Variants in SLC24A2 observed in about 807,000 individuals in gnomAD.
The protein encoded by SLC24A2 is solute carrier family 24 member 2.
Under a neutral mutation model 62.0 loss-of-function variants are expected in SLC24A2, and 36 were observed. That is an observed-to-expected ratio of 0.58 (90% CI 0.44 to 0.77). The LOEUF is 0.77. SLC24A2 is among the 30% of genes least tolerant of loss of function. SLC24A2 has a pLI of 0.00. For synonymous variants in SLC24A2, 358 were observed against 294.0 expected, an observed-to-expected ratio of 1.22 and a Z score of -2.23; for missense variants, 846 against 817.9, an observed-to-expected ratio of 1.03 and a Z score of -0.42.
chr9:19,831,314 T>A, the SLC24A2 span, among the ~76,000 whole-genome samples: 1 of 152,238 alleles, frequency 6.6e-6, no homozygotes, highest in Non-Finnish European at 1.5e-5. Context: ...CAAGACCTTC[T>A]TGTGTTTTTC....
At chr9:20,127,895 T>C in the SLC24A2 span, among the ~76,000 whole-genome samples, 3 of 152,262 alleles carry the variant, frequency 2.0e-5, no homozygotes, top group South Asian at 2.1e-4. Context: ...CAATTTTTTT[T>C]CCCAATCAAA....
chr9:19,545,729 C>T (rs1834532286), intron 8 of SLC24A2, among the ~76,000 whole-genome samples: 1 of 151,916 alleles, frequency 6.6e-6, no homozygotes, highest in Non-Finnish European at 1.5e-5. Context: ...AGCTCCACCT[C>T]CTGGGTTCAT....
At chr9:20,003,322 C>T in the SLC24A2 span, among the ~76,000 whole-genome samples, 1 of 152,172 alleles carries the variant, frequency 6.6e-6, no homozygotes, top group Admixed American at 6.5e-5. Flanking sequence ...AGCCAAAATC[C>T]ACTCTTGTTT....
At chr9:19,802,651 C>A in the SLC24A2 span, among the ~76,000 whole-genome samples, 1 of 151,788 alleles carries the variant, frequency 6.6e-6, no homozygotes, top group African/African-American at 2.4e-5. Context: ...CAAGAATGGG[C>A]AAAATAATAA....
the SLC24A2 span, among the ~76,000 whole-genome samples, chr9:20,246,905 C>T: frequency 6.6e-6 from 1 of 152,216 alleles, no homozygotes. Flanking sequence ...AATGCAACTA[C>T]TGAGTGAGAT....
At chr9:19,887,166 G>A in the SLC24A2 span, among the ~76,000 whole-genome samples, 61,905 of 151,946 alleles carry the variant, frequency 0.41, 13,198 homozygotes, top group East Asian at 0.84. Context: ...TATCTATATA[G>A]CAAACCTGCA....
the SLC24A2 span, among the ~76,000 whole-genome samples, chr9:19,824,235 C>A: frequency 6.6e-6 from 1 of 152,080 alleles, no homozygotes; most frequent in Non-Finnish European, 1.5e-5. Context: ...AGTGAACAGG[C>A]AACCTACAGA....
At chr9:19,765,834 T>C (rs1822497891) in intron 2 of SLC24A2, among the ~76,000 whole-genome samples, 1 of 152,232 alleles carries the variant, frequency 6.6e-6, no homozygotes, top group African/African-American at 2.4e-5. Flanking sequence ...TGAATTTGAA[T>C]GTTGGCCTGC....
At chr9:20,234,087 A>T in the SLC24A2 span, among the ~76,000 whole-genome samples, 1 of 152,204 alleles carries the variant, frequency 6.6e-6, no homozygotes. Context: ...AGTTTCTGCC[A>T]AGAGATCAGC....
the SLC24A2 span, among the ~76,000 whole-genome samples, chr9:19,903,695 GAA>G: frequency 6.6e-6 from 1 of 152,110 alleles, no homozygotes; most frequent in South Asian, 2.1e-4. Flanking sequence ...AGAGCCATGA[GAA>G]AATGATGGGC....
chr9:20,033,247 A>G, the SLC24A2 span, among the ~76,000 whole-genome samples: 1 of 152,184 alleles, frequency 6.6e-6, no homozygotes, highest in African/African-American at 2.4e-5. Context: ...ACAGCATTAG[A>G]TTCAGACAGA....
At chr9:20,074,555 CAGGAAGGAAGGAAGGAAGGAAGGA>C in the SLC24A2 span, among the ~76,000 whole-genome samples, 2 of 87,316 alleles carry the variant, frequency 2.3e-5, no homozygotes, top group African/African-American at 5.4e-5. Context: ...GAGAAGAAGG[CAGGAAGGAAGGAAGGAAGGAAGGA>C]AGGAAGGAAG....
the SLC24A2 span, among the ~76,000 whole-genome samples, chr9:20,013,801 C>A: frequency 1.3e-5 from 2 of 152,062 alleles, no homozygotes; most frequent in Non-Finnish European, 2.9e-5. Flanking sequence ...AGAAAACATT[C>A]AAATGGCCAA....
the SLC24A2 span, among the ~76,000 whole-genome samples, chr9:20,043,405 G>T: frequency 6.6e-6 from 1 of 152,218 alleles, no homozygotes; most frequent in Non-Finnish European, 1.5e-5. Context: ...AGTACATTTT[G>T]TAAGGTGATA....
chr9:19,722,914 C>T (rs1025768901), intron 2 of SLC24A2, among the ~76,000 whole-genome samples: 4 of 152,082 alleles, frequency 2.6e-5, no homozygotes, highest in Non-Finnish European at 4.4e-5. Context: ...CAGATTTTGA[C>T]TGATGTTGTG....
chr9:20,169,489 A>G, the SLC24A2 span, among the ~76,000 whole-genome samples: 1 of 152,046 alleles, frequency 6.6e-6, no homozygotes, highest in Non-Finnish European at 1.5e-5. Context: ...GGATCTGCAG[A>G]CAGTTCACAT....
the SLC24A2 span, among the ~76,000 whole-genome samples, chr9:20,193,124 A>G: frequency 2.0e-5 from 3 of 152,152 alleles, no homozygotes; most frequent in Non-Finnish European, 2.9e-5. Context: ...AAACAATAAC[A>G]GGTGGTAGAA....
chr9:19,760,676 T>C (rs889075816), intron 2 of SLC24A2, among the ~76,000 whole-genome samples: 1 of 152,126 alleles, frequency 6.6e-6, no homozygotes, highest in African/African-American at 2.4e-5. Context: ...GTCATCTATG[T>C]CCCTGCAAAG....
the SLC24A2 span, among the ~76,000 whole-genome samples, chr9:19,884,278 C>A: frequency 6.6e-6 from 1 of 152,000 alleles, no homozygotes; most frequent in Non-Finnish European, 1.5e-5. Flanking sequence ...AGCCCTATTC[C>A]TAAAGAAGTT....
Sources: allele counts gnomAD v4.1 joint callset (sites outside exome capture counted in the v4.1 genomes callset), GRCh38; gene constraint gnomAD v4.1.1; transcripts MANE v1.5; gene names NCBI Gene and HGNC (gene_info 2026-07-23, HGNC 2026-07-21).